The following TOX variants were observed in gnomAD, a reference collection of about 807,000 sequenced individuals.
The protein encoded by TOX is thymocyte selection-associated high mobility group box protein TOX.
In TOX, 11 loss-of-function variants were observed where a neutral mutation model predicts 53.7. That is an observed-to-expected ratio of 0.20 (90% CI 0.13 to 0.34). The LOEUF is 0.34. Ranked by LOEUF, TOX falls within the 10% of genes least tolerant of loss-of-function variation. The pLI, the probability that TOX is intolerant of heterozygous loss-of-function variation, is 1.00. For missense variants in TOX, 570 were observed against 664.6 expected, an observed-to-expected ratio of 0.86 and a Z score of 1.56; for synonymous variants, 225 against 245.3, an observed-to-expected ratio of 0.92 and a Z score of 0.77.
intron 4 of TOX, among the ~76,000 whole-genome samples, chr8:58,846,831 G>C (rs947459140): frequency 1.3e-5 from 2 of 152,144 alleles, no homozygotes; most frequent in Non-Finnish European, 2.9e-5. Flanking sequence ...GAGTGGTCCT[G>C]TTAAATCAAG....
chr8:59,070,778 C>T (rs143462307), intron 1 of TOX, among the ~76,000 whole-genome samples: 11 of 152,154 alleles, frequency 7.2e-5, no homozygotes, highest in South Asian at 4.1e-4. Context: ...TATGTTTCAA[C>T]GTCATCTTTG....
intron 1 of TOX, among the ~76,000 whole-genome samples, chr8:58,986,628 G>T (rs1009533619): frequency 1.3e-5 from 2 of 152,156 alleles, no homozygotes; most frequent in South Asian, 2.1e-4. Flanking sequence ...GCAATGTCAC[G>T]TATTGTGCTC....
At chr8:58,875,276 C>T (rs915764059) in intron 3 of TOX, among the ~76,000 whole-genome samples, 66 of 152,238 alleles carry the variant, frequency 4.3e-4, no homozygotes, top group African/African-American at 1.6e-3. Flanking sequence ...ACATGATTGG[C>T]AAGAATTATG....
intron 3 of TOX, among the ~76,000 whole-genome samples, chr8:58,890,108 C>A (rs943518163): frequency 6.6e-6 from 1 of 152,074 alleles, no homozygotes; most frequent in African/African-American, 2.4e-5. Flanking sequence ...TAATTCTGAT[C>A]ATCATATTTT....
At chr8:58,881,596 T>C (rs1465850080) in intron 3 of TOX, among the ~76,000 whole-genome samples, 4 of 151,864 alleles carry the variant, frequency 2.6e-5, no homozygotes, top group African/African-American at 9.7e-5. Flanking sequence ...TGGTGGCACG[T>C]GCCTGTAGTC....
chr8:58,889,864 A>G (rs1022655187), intron 3 of TOX, among the ~76,000 whole-genome samples: 3 of 152,158 alleles, frequency 2.0e-5, no homozygotes, highest in East Asian at 3.8e-4. Flanking sequence ...AGAGTTGAAA[A>G]TTCAAACTAT....
chr8:58,903,943 A>G (rs1430128763), intron 3 of TOX, among the ~76,000 whole-genome samples: 1 of 152,182 alleles, frequency 6.6e-6, no homozygotes, highest in Non-Finnish European at 1.5e-5. Flanking sequence ...CATTTCTAAT[A>G]AAATGGATTA....
At chr8:58,944,897 G>T (rs1812502439) in intron 2 of TOX, among the ~76,000 whole-genome samples, 2 of 152,136 alleles carry the variant, frequency 1.3e-5, no homozygotes, top group Non-Finnish European at 2.9e-5. Context: ...CATTGATTAG[G>T]CCTCATAGTG....
intron 3 of TOX, among the ~76,000 whole-genome samples, chr8:58,866,082 G>A (rs996570352): frequency 1.1e-4 from 16 of 152,134 alleles, no homozygotes; most frequent in African/African-American, 3.6e-4. Context: ...TGATCCACCC[G>A]CCTCAGCCTC....
intron 1 of TOX, among the ~76,000 whole-genome samples, chr8:59,029,240 A>G (rs1416123522): frequency 1.6e-5 from 1 of 64,154 alleles, no homozygotes; most frequent in African/African-American, 6.0e-5. Flanking sequence ...CCCCATCCCC[A>G]TGACTTCCAC....
At chr8:58,882,440 T>C (rs1811399339) in intron 3 of TOX, among the ~76,000 whole-genome samples, 1 of 152,204 alleles carries the variant, frequency 6.6e-6, no homozygotes, top group South Asian at 2.1e-4. Flanking sequence ...GGTCATATCT[T>C]TCTTAGCTGT....
intron 1 of TOX, among the ~76,000 whole-genome samples, chr8:59,095,246 T>C (rs974495012): frequency 6.6e-6 from 1 of 152,328 alleles, no homozygotes; most frequent in East Asian, 1.9e-4. Context: ...AAGAGTTGTT[T>C]TTTTTTTCCA....
In TOX at chr8:58,892,801, C is replaced by T. The variant is rs145477196; in HGVS notation, c.412-40996G>A. Among the ~76,000 whole-genome samples the T allele has an allele frequency of 2.7e-3, 416 of 152,256 alleles. 11 individuals are homozygous for T. The highest frequency in any genetic ancestry group is 0.022 in the Admixed American group (330 of 15,300). On this transcript the variant is annotated intron_variant, in intron 3 of 8. Coordinates refer to ENST00000361421, the MANE Select transcript of TOX (RefSeq NM_014729.3). ...GCTTCATTTCTGCATTAATTCTGTA[C>T]GACCTTGGGCAAGTCACTTCATCTA...
At chr8:58,931,327 T>C (rs1812249736) in intron 3 of TOX, among the ~76,000 whole-genome samples, 1 of 147,952 alleles carries the variant, frequency 6.8e-6, no homozygotes, top group Non-Finnish European at 1.5e-5. Flanking sequence ...AGATCATAAA[T>C]GTCAAAAAAA....
rs531480692 is a variant in TOX, at chr8:58,991,776, T to G, written c.103-31768A>C. Reference sequence around the variant, plus strand: ...AAGGGGTCTTCTCTCTAGCAATGAATTCATCTTCCAAAAGCTCCCGTAACA... The same window carrying G: ...AAGGGGTCTTCTCTCTAGCAATGAAGTCATCTTCCAAAAGCTCCCGTAACA... On this transcript the variant is annotated intron_variant, in intron 1 of 8. Transcript: ENST00000361421. 2.0e-5 allele frequency: 3 copies of G among 152,446 alleles called. No individual in the cohort carries two copies. In the South Asian group the frequency reaches 6.2e-4, roughly 32 times the overall value. The allele number at this position is 152,446 out of a possible 1,614,324, so 9.4% of individuals were successfully genotyped here. A position where few individuals can be genotyped will look rare whatever the true frequency, so the allele number is the denominator to read the frequency against.
chr8:59,080,212 A>T (rs1280540030), intron 1 of TOX, among the ~76,000 whole-genome samples: 1 of 151,584 alleles, frequency 6.6e-6, no homozygotes, highest in Non-Finnish European at 1.5e-5. Flanking sequence ...CAAACTCCTG[A>T]CCTCGTGATC....
intron 1 of TOX, among the ~76,000 whole-genome samples, chr8:58,998,535 A>ATATAATAAATTTATGT (rs1813619395): frequency 8.1e-5 from 1 of 12,278 alleles, no homozygotes; most frequent in South Asian, 2.9e-3. Flanking sequence ...ATATATATAT[A>ATATAATAAATTTATGT]TATAAATTTA....
intron 5 of TOX, among the ~76,000 whole-genome samples, chr8:58,834,504 C>T (rs1379351800): frequency 2.0e-5 from 3 of 152,188 alleles, no homozygotes; most frequent in African/African-American, 4.8e-5. Context: ...TTAATTTAAG[C>T]TTGAAACGGA....
At chr8:58,931,181 C>G (rs1812247777) in intron 3 of TOX, among the ~76,000 whole-genome samples, 1 of 152,226 alleles carries the variant, frequency 6.6e-6, no homozygotes, top group South Asian at 2.1e-4. Flanking sequence ...TTAAACATAT[C>G]AGCAATCAAT....
Sources: gnomAD v4.1 joint callset for allele counts (sites outside exome capture counted in the v4.1 genomes callset) on GRCh38, gnomAD v4.1.1 for gene constraint, MANE v1.5 for transcripts, NCBI Gene and HGNC (gene_info 2026-07-23, HGNC 2026-07-21) for gene names.